METTL15: variants seen among roughly 807,000 people sequenced by gnomAD.
METTL15 encodes the protein 12S rRNA N(4)-cytidine methyltransferase METTL15.
METTL15 carries 34 observed loss-of-function variants against 38.3 expected under a neutral mutation model. The observed-to-expected ratio is 0.89, with a 90% CI of 0.68 to 1.18. METTL15 has a LOEUF of 1.18. Ranked by LOEUF, METTL15 falls within the 50% of genes most tolerant of loss-of-function variation. The pLI, the probability that METTL15 is intolerant of heterozygous loss-of-function variation, is 0.00. For missense variants in METTL15, 438 were observed against 498.4 expected, an observed-to-expected ratio of 0.88 and a Z score of 1.15; for synonymous variants, 162 against 170.9, an observed-to-expected ratio of 0.95 and a Z score of 0.41.
rs183563413 is a variant in METTL15 at position 28,209,175 on chromosome 11, G to A, written c.271-1887G>A. Among the ~76,000 whole-genome samples the A allele has an allele frequency of 2.6e-5, 4 of 151,954 alleles. No homozygotes were observed. In the East Asian group the frequency reaches 7.7e-4, roughly 29 times the overall value. ...TGATGATGATTTTTCTTTAAATATT[G>A]ATTGGGACTTTCTTGTCTCAGAATA... is the stretch of plus-strand genomic sequence containing the variant. On this transcript the variant is annotated intron_variant, in intron 3 of 6. Coordinates refer to ENST00000407364, the MANE Select transcript of METTL15 (RefSeq NM_001113528.2).
At chr11:28,369,527 A>G (rs921995532) in intron 5 of METTL15, among the ~76,000 whole-genome samples, 1 of 152,150 alleles carries the variant, frequency 6.6e-6, no homozygotes, top group African/African-American at 2.4e-5. Flanking sequence ...GGCAAAGACA[A>G]TGAGAATCTT....
At chr11:28,495,951 C>G (rs1167641891) in intron 6 of METTL15, among the ~76,000 whole-genome samples, 1 of 152,196 alleles carries the variant, frequency 6.6e-6, no homozygotes, top group Admixed American at 6.5e-5. Flanking sequence ...TCATGGCTAA[C>G]CGAATTCTTC....
intron 6 of METTL15, 64 bp from the exon 7 acceptor site, chr11:28,330,332 A>G: frequency 7.3e-7 from 1 of 1,371,328 alleles, no homozygotes; most frequent in Non-Finnish European, 9.8e-7. Flanking sequence ...AATTCATTAG[A>G]TTTACAGTGA....
At chr11:28,187,352 A>G (rs917586874) in intron 3 of METTL15, among the ~76,000 whole-genome samples, 7 of 151,016 alleles carry the variant, frequency 4.6e-5, no homozygotes, top group African/African-American at 1.7e-4. Flanking sequence ...CTTAAATTCA[A>G]TAGTAAGATT....
At chr11:28,195,564 T>C (rs1253647932) in intron 3 of METTL15, among the ~76,000 whole-genome samples, 7 of 152,058 alleles carry the variant, frequency 4.6e-5, no homozygotes, top group Non-Finnish European at 8.8e-5. Context: ...GGGATTGTTT[T>C]CTTCTTGCTC....
chr11:28,440,900 A>C (rs921534021), intron 6 of METTL15, among the ~76,000 whole-genome samples: 1 of 152,156 alleles, frequency 6.6e-6, no homozygotes, highest in Admixed American at 6.5e-5. Context: ...CATAGCCACT[A>C]CCCATAGGTG....
intron 3 of METTL15, among the ~76,000 whole-genome samples, chr11:28,194,178 C>CTT (rs1373046857): frequency 0.022 from 262 of 11,912 alleles, no homozygotes; most frequent in Non-Finnish European, 0.032. Flanking sequence ...CTTTCTTTTT[C>CTT]TCTCTCTCTC....
intron 6 of METTL15, among the ~76,000 whole-genome samples, chr11:28,440,183 A>C (rs1346211764): frequency 3.3e-5 from 5 of 152,164 alleles, no homozygotes. Flanking sequence ...ATGCCCAATT[A>C]AACCAGTGAA....
intron 3 of METTL15, among the ~76,000 whole-genome samples, chr11:28,173,926 C>T (rs929546035): frequency 5.9e-5 from 9 of 152,138 alleles, no homozygotes; most frequent in African/African-American, 1.9e-4. Flanking sequence ...AGGTAAAGTG[C>T]CATTTTCATT....
intron 3 of METTL15, among the ~76,000 whole-genome samples, chr11:28,201,676 G>A (rs1374401884): frequency 6.9e-6 from 1 of 144,524 alleles, no homozygotes; most frequent in Non-Finnish European, 1.5e-5. Context: ...GTGTAGAGGT[G>A]TTTATAGTAT....
intron 4 of METTL15, among the ~76,000 whole-genome samples, chr11:28,248,220 C>T (rs1057111850): frequency 6.6e-6 from 1 of 151,994 alleles, no homozygotes; most frequent in Non-Finnish European, 1.5e-5. Flanking sequence ...TGCAGTATTC[C>T]TGCCCCATGA....
chr11:28,393,552 C>G (rs1850534744), intron 5 of METTL15, among the ~76,000 whole-genome samples: 1 of 152,010 alleles, frequency 6.6e-6, no homozygotes, highest in African/African-American at 2.4e-5. Flanking sequence ...ATAAAATGAC[C>G]CGTGGCTGGC....
At chr11:28,516,080 G>C (rs1033812682) in intron 6 of METTL15, among the ~76,000 whole-genome samples, 15 of 152,224 alleles carry the variant, frequency 9.9e-5, no homozygotes, top group African/African-American at 3.4e-4. Flanking sequence ...TTATTACAAA[G>C]AGAGGTGAAT....
At chr11:28,368,016 T>C (rs1347459661) in intron 5 of METTL15, among the ~76,000 whole-genome samples, 1 of 151,288 alleles carries the variant, frequency 6.6e-6, no homozygotes, top group Non-Finnish European at 1.5e-5. Context: ...GGCAATACCA[T>C]TCAGGACATA....
At chr11:28,226,078 C>T (rs1480149060) in intron 4 of METTL15, among the ~76,000 whole-genome samples, 1 of 151,702 alleles carries the variant, frequency 6.6e-6, no homozygotes, top group African/African-American at 2.4e-5. Context: ...TCCTTTCTGC[C>T]AAATCCTTTT....
chr11:28,120,903 A>G (rs1852204329), intron 3 of METTL15, among the ~76,000 whole-genome samples: 1 of 151,980 alleles, frequency 6.6e-6, no homozygotes, highest in Non-Finnish European at 1.5e-5. Flanking sequence ...TAATGAGTAC[A>G]TAGCAGGTGT....
chr11:28,466,200 A>G (rs190643322), intron 6 of METTL15, among the ~76,000 whole-genome samples: 62 of 152,330 alleles, frequency 4.1e-4, no homozygotes, highest in African/African-American at 1.5e-3. Flanking sequence ...TGTGATTAGT[A>G]TCAGAAGGCA....
At chr11:28,191,473 G>A (rs1182326968) in intron 3 of METTL15, among the ~76,000 whole-genome samples, 1 of 151,278 alleles carries the variant, frequency 6.6e-6, no homozygotes, top group African/African-American at 2.4e-5. Flanking sequence ...TACCTTTTAA[G>A]GGTTGCATCT....
chr11:28,451,624 A>G (rs945085723), intron 6 of METTL15, among the ~76,000 whole-genome samples: 3 of 152,154 alleles, frequency 2.0e-5, no homozygotes, highest in African/African-American at 7.2e-5. Context: ...CAGTGTGTAT[A>G]TTAGTGAATG....
Sources: allele counts gnomAD v4.1 joint callset (sites outside exome capture counted in the v4.1 genomes callset), GRCh38; gene constraint gnomAD v4.1.1; transcripts MANE v1.5; gene names NCBI Gene and HGNC (gene_info 2026-07-23, HGNC 2026-07-21).